Variants in RASAL1 observed in about 807,000 individuals in gnomAD.
RASAL1 encodes the protein rasGAP-activating-like protein 1.
In RASAL1, 72 loss-of-function variants were observed where a neutral mutation model predicts 96.6. That is an observed-to-expected ratio of 0.75 (90% confidence interval 0.62 to 0.91). The LOEUF is 0.91. Among genes scored for constraint, RASAL1 ranks in the 40% least tolerant of loss-of-function variants. The probability of loss-of-function intolerance (pLI) is 0.00; values close to 1 mark genes in which losing one functional copy is unlikely to be tolerated. For missense variants in RASAL1, 1,016 were observed against 1,072.5 expected (o/e 0.95, Z 0.74); for synonymous variants, 405 against 430.4 (o/e 0.94, Z 0.73).
At chr12:113,133,706 C>A (rs530091740) in intron 1 of RASAL1, among the ~76,000 whole-genome samples, 1 of 152,266 alleles carries the variant, frequency 6.6e-6, no homozygotes, top group African/African-American at 2.4e-5. Context: ...CAGGAAGAGC[C>A]CCTTTGAAGA....
chr12:113,116,020 G>A lies in RASAL1; in HGVS notation c.763C>T (p.Arg255Cys), dbSNP rs531834126. The change falls in exon 9 of 21, where the codon CGC becomes TGC. Residue 255 changes from arginine (R) to cysteine (C), a missense_variant. Physicochemically the swap from Arg to Cys is radical, Grantham distance 180. Transcript: ENST00000548055. ...GGCAGGACGCGGTCCTCAATCAGGC[G>A]TACCTTCACTCGCAGGGCACCCAGG... Reference protein sequence around the residue: ...GNLGALRVKVRLIEDRVLPSQ... With the variant: ...GNLGALRVKVCLIEDRVLPSQ... The A allele has an allele frequency of 1.0e-5, 16 of 1,604,636 alleles. No individual in the cohort carries two copies. The highest frequency in any genetic ancestry group is 4.0e-5 in the African/African-American group (3 of 74,700).
intron 13 of RASAL1, among the ~76,000 whole-genome samples, chr12:113,110,511 G>C (rs1422275009): frequency 6.6e-6 from 1 of 152,226 alleles, no homozygotes; most frequent in Non-Finnish European, 1.5e-5. Context: ...GGTGTGCTGA[G>C]CATTCAACCA....
At chr12:113,119,310 G>A (rs755730413) in intron 6 of RASAL1, 51 bp from the exon 7 acceptor site, 1 of 1,612,254 alleles carries the variant, frequency 6.2e-7, no homozygotes, top group Admixed American at 1.7e-5. Flanking sequence ...GGGGACTCCT[G>A]CCCCACCACC....
chr12:113,118,060 T>C (rs143783324), intron 7 of RASAL1, among the ~76,000 whole-genome samples: 1,671 of 152,064 alleles, frequency 0.011, 36 homozygotes, highest in African/African-American at 0.038. Context: ...CCTGTCTCTA[T>C]TAAAAATACA....
At chr12:113,126,964 ATATGT>A (rs1187131536) in intron 4 of RASAL1, among the ~76,000 whole-genome samples, 5 of 148,062 alleles carry the variant, frequency 3.4e-5, no homozygotes, top group African/African-American at 4.9e-5. Context: ...TTATATATAA[ATATGT>A]TATATGTTTA....
intron 4 of RASAL1, among the ~76,000 whole-genome samples, chr12:113,125,914 G>T (rs78490296): frequency 6.6e-6 from 1 of 152,210 alleles, no homozygotes; most frequent in Non-Finnish European, 1.5e-5. Context: ...GCACCACGAT[G>T]CCATCCCAAA....
chr12:113,126,156 A>G (rs941997528), intron 4 of RASAL1, among the ~76,000 whole-genome samples: 2 of 151,914 alleles, frequency 1.3e-5, no homozygotes, highest in Non-Finnish European at 2.9e-5. Context: ...GTGGTGGCAG[A>G]CCCCTGTAAT....
At chr12:113,103,009 TC>T in intron 18 of RASAL1, 1 of 275,338 alleles carries the variant, frequency 3.6e-6, no homozygotes, top group South Asian at 3.2e-5. Flanking sequence ...AAGCAGCACC[TC>T]CTCCAGGAAG....
intron 7 of RASAL1, among the ~76,000 whole-genome samples, chr12:113,118,304 C>G (rs1282868348): frequency 2.6e-5 from 4 of 152,144 alleles, no homozygotes; most frequent in Non-Finnish European, 5.9e-5. Flanking sequence ...CTGCAGTTTC[C>G]AAGAACCTAT....
chr12:113,108,702 A>G (rs1296752871), intron 13 of RASAL1, among the ~76,000 whole-genome samples: 1 of 152,214 alleles, frequency 6.6e-6, no homozygotes, highest in Non-Finnish European at 1.5e-5. Flanking sequence ...AGGAAGGATC[A>G]CATCTCCATT....
rs1288897037 is a variant in RASAL1 at position 113,103,987 on chromosome 12, C to A, written c.2063G>T (p.Arg688Leu). The change falls in exon 18 of 21, where the codon CGC becomes CTC. Residue 688 changes from arginine to leucine, a missense_variant. By Grantham distance (102) the Arg-to-Leu change is moderately radical. Coordinates refer to ENST00000548055, the MANE Select transcript of RASAL1 (RefSeq NM_001301202.2). ...KLAACHPGAF[R>L]SARWTCCLQA... ...GAGGCAGCAGGTCCAGCGCGCGCTG[C>A]GGAAGGCACCGGGGTGGCAGGCGGC... 1.3e-6 allele frequency: 2 copies of A among 1,568,480 alleles called. No individual in the cohort carries two copies. Among genetic ancestry groups the A allele is most frequent in the African/African-American group, 1.4e-5 (1 of 74,046 alleles).
chr12:113,105,599 T>C, intron 16 of RASAL1, 115 bp downstream of exon 16: 1 of 1,151,552 alleles, frequency 8.7e-7, no homozygotes. Flanking sequence ...TAAGTTGCTA[T>C]GGCATCTTGG....
chr12:113,101,158 C>T (rs1950429014), intron 19 of RASAL1, among the ~76,000 whole-genome samples: 1 of 152,210 alleles, frequency 6.6e-6, no homozygotes, highest in African/African-American at 2.4e-5. Flanking sequence ...TGCCTGTAAT[C>T]CCTGCACTTT....
chr12:113,101,843 C>A (rs375588470), intron 19 of RASAL1, 46 bp downstream of exon 19: 2 of 1,592,974 alleles, frequency 1.3e-6, no homozygotes, highest in Middle Eastern at 1.7e-4. Context: ...GGGGGGCTGG[C>A]CTGGCTGGTC....
At chr12:113,113,716 G>A (rs996440176) in intron 12 of RASAL1, among the ~76,000 whole-genome samples, 1 of 152,190 alleles carries the variant, frequency 6.6e-6, no homozygotes, top group African/African-American at 2.4e-5. Context: ...TCCTGTCTCT[G>A]CCACGGTCCC....
rs1446241848 is a variant in RASAL1, at chr12:113,104,188, C to A, written c.1941G>T (p.Ala647=). The part of the protein sequence containing the change: ...MQVVTQDGTG[A]LHTTYLQCKN... Reference sequence around the variant, plus strand: ...TGCACTGGAGGTAGGTGGTGTGCAGCGCCCCCGTGCCGTCCTGCGTCACCA... The same window carrying A: ...TGCACTGGAGGTAGGTGGTGTGCAGAGCCCCCGTGCCGTCCTGCGTCACCA... Residue 647 remains alanine, a synonymous_variant, in exon 17 of 21, where the codon GCG becomes GCT. Transcript: ENST00000548055. 1 of 1,611,394 alleles carries A rather than the reference C, an allele frequency of 6.2e-7. No homozygotes were observed. Among genetic ancestry groups the A allele is most frequent in the South Asian group, 1.1e-5 (1 of 90,750 alleles).
At chr12:113,111,108 C>T (rs994811768) in intron 13 of RASAL1, among the ~76,000 whole-genome samples, 1 of 152,140 alleles carries the variant, frequency 6.6e-6, no homozygotes, top group African/African-American at 2.4e-5. Flanking sequence ...TTGCTTTGTT[C>T]TTGCGCCTCG....
At chr12:113,114,654 G>GTGTGAGGCTT in intron 12 of RASAL1, 146 bp downstream of exon 12, 2 of 699,508 alleles carry the variant, frequency 2.9e-6, no homozygotes, top group Non-Finnish European at 5.1e-6. Flanking sequence ...AAGGGCTTGT[G>GTGTGAGGCTT]TGTGAGGCTT....
At chr12:113,109,565 C>T (rs557595817) in intron 13 of RASAL1, among the ~76,000 whole-genome samples, 7 of 152,298 alleles carry the variant, frequency 4.6e-5, no homozygotes, top group Admixed American at 1.3e-4. Flanking sequence ...CTTGCTCCCC[C>T]CAAACCAGCT....
Sources: allele counts gnomAD v4.1 joint callset (sites outside exome capture counted in the v4.1 genomes callset), GRCh38; gene constraint gnomAD v4.1.1; transcripts MANE v1.5; gene names NCBI Gene and HGNC (gene_info 2026-07-23, HGNC 2026-07-21).